LPXN: variants seen among roughly 807,000 people sequenced by gnomAD.
LPXN encodes the protein leupaxin.
A neutral mutation model predicts 45.6 loss-of-function variants in LPXN; 28 were observed. The observed-to-expected ratio is 0.61, with a 90% CI of 0.45 to 0.84. The LOEUF (loss-of-function observed/expected upper bound fraction) is 0.84, where lower values mean the gene tolerates loss of function less well. LPXN is among the 40% of genes least tolerant of loss of function. LPXN has a pLI of 0.00. For synonymous variants in LPXN, 166 were observed against 169.9 expected, an observed-to-expected ratio of 0.98 and a Z score of 0.18; for missense variants, 459 against 475.0, an observed-to-expected ratio of 0.97 and a Z score of 0.31.
intron 1 of LPXN, 131 bp downstream of exon 1, chr11:58,575,629 G>A: frequency 9.5e-7 from 1 of 1,054,118 alleles, no homozygotes; most frequent in Non-Finnish European, 1.5e-6. Context: ...GCAGGGCTGA[G>A]GACAGGAAAG....
intron 4 of LPXN, among the ~76,000 whole-genome samples, chr11:58,553,591 C>T (rs990506502): frequency 6.6e-5 from 10 of 152,104 alleles, no homozygotes; most frequent in African/African-American, 2.4e-4. Flanking sequence ...GTGTTGCTCA[C>T]GATGTATCAG....
chr11:58,566,244 G>T (rs998492310), intron 2 of LPXN, among the ~76,000 whole-genome samples: 1 of 151,910 alleles, frequency 6.6e-6, no homozygotes, highest in African/African-American at 2.4e-5. Flanking sequence ...AACTTTAATT[G>T]ATGCTTCACT....
At chr11:58,565,942 G>A (rs747827563) in intron 2 of LPXN, among the ~76,000 whole-genome samples, 8 of 152,094 alleles carry the variant, frequency 5.3e-5, no homozygotes, top group African/African-American at 7.2e-5. Context: ...AGGTTGCAGC[G>A]AGCCAAGATC....
intron 7 of LPXN, among the ~76,000 whole-genome samples, chr11:58,536,904 A>T (rs190395615): frequency 1.8e-4 from 27 of 152,214 alleles, no homozygotes; most frequent in Admixed American, 1.8e-3. Flanking sequence ...AACATATGAA[A>T]AAAAAAAGCT....
At chr11:58,570,783 TATCTTCAC>T (rs1565206107) in intron 1 of LPXN, 70 bp from the exon 2 acceptor site, 1 of 1,178,454 alleles carries the variant, frequency 8.5e-7, no homozygotes, top group Non-Finnish European at 1.2e-6. Flanking sequence ...TCTCCTTAAA[TATCTTCAC>T]TGTGCCCACA....
chr11:58,549,429 C>A (rs559141841), intron 7 of LPXN, among the ~76,000 whole-genome samples: 38 of 152,032 alleles, frequency 2.5e-4, no homozygotes, highest in East Asian at 1.7e-3. Flanking sequence ...ACAACAACAA[C>A]AAAAAATAAG....
At chr11:58,556,292 C>T (rs1854202629) in intron 3 of LPXN, among the ~76,000 whole-genome samples, 1 of 151,634 alleles carries the variant, frequency 6.6e-6, no homozygotes, top group Non-Finnish European at 1.5e-5. Flanking sequence ...TTTATAAACA[C>T]AATGATATGT....
intron 7 of LPXN, among the ~76,000 whole-genome samples, chr11:58,545,684 C>A (rs927004124): frequency 6.6e-6 from 1 of 152,060 alleles, no homozygotes; most frequent in Non-Finnish European, 1.5e-5. Flanking sequence ...CGTGTTGGTA[C>A]CACAAAAGTA....
intron 3 of LPXN, among the ~76,000 whole-genome samples, chr11:58,561,355 A>G (rs1854370955): frequency 6.6e-6 from 1 of 152,210 alleles, no homozygotes; most frequent in African/African-American, 2.4e-5. Context: ...ATTTTTGATC[A>G]CTTAACAACA....
At chr11:58,556,927 G>C (rs1854221943) in intron 3 of LPXN, among the ~76,000 whole-genome samples, 1 of 152,064 alleles carries the variant, frequency 6.6e-6, no homozygotes, top group African/African-American at 2.4e-5. Context: ...AAATAAAAAT[G>C]GCCAAAAGGT....
In LPXN at chr11:58,527,466, G is replaced by A. The variant is rs771475518; in HGVS notation, c.1149C>T (p.Leu383=). 1.3e-5 allele frequency: 21 copies of A among 1,614,070 alleles called. No individual in the cohort carries two copies. Among genetic ancestry groups the A allele is most frequent in the Non-Finnish European group, 1.5e-5 (18 of 1,180,036 alleles). Reference sequence around the variant, plus strand: ...GGATCAGTTGGCATTACAGTGGGAAGAGCTTATTGAAGCAAGGTTGACAAT... The same window carrying A: ...GGATCAGTTGGCATTACAGTGGGAAAAGCTTATTGAAGCAAGGTTGACAAT... ...KTYCQPCFNK[L]FPL The change falls in exon 9 of 9, where the codon CTC becomes CTT. Residue 383 remains leucine (L), a synonymous_variant. Coordinates refer to ENST00000395074, the MANE Select transcript of LPXN (RefSeq NM_004811.3).
At chr11:58,541,233 A>G (rs990720666) in intron 7 of LPXN, among the ~76,000 whole-genome samples, 9 of 152,218 alleles carry the variant, frequency 5.9e-5, no homozygotes, top group African/African-American at 1.9e-4. Context: ...AAAAGAAACT[A>G]CCATCAGAGT....
At chr11:58,571,379 A>AAATC (rs1555011643) in intron 1 of LPXN, among the ~76,000 whole-genome samples, 48 of 141,736 alleles carry the variant, frequency 3.4e-4, no homozygotes, top group Middle Eastern at 3.7e-3. Flanking sequence ...ATAAATAAAT[A>AAATC]AATCCTAAAT....
intron 4 of LPXN, 97 bp downstream of exon 4, chr11:58,554,744 G>T: frequency 1.2e-6 from 1 of 818,932 alleles, no homozygotes; most frequent in Non-Finnish European, 1.9e-6. Context: ...AGAATGGAGA[G>T]CTGAGTTCCA....
intron 3 of LPXN, among the ~76,000 whole-genome samples, chr11:58,558,931 G>T (rs1374521887): frequency 6.6e-6 from 1 of 151,724 alleles, no homozygotes; most frequent in African/African-American, 2.4e-5. Context: ...TATTGATACA[G>T]CTAAGTTCAC....
chr11:58,574,518 G>C (rs946918921), intron 1 of LPXN, among the ~76,000 whole-genome samples: 4 of 151,960 alleles, frequency 2.6e-5, no homozygotes, highest in African/African-American at 7.3e-5. Context: ...ATAAGTATTA[G>C]TTTCCTTTTG....
At chr11:58,578,243 C>A (rs1854969833), upstream of LPXN, 1 of 610,668 alleles carries the variant, frequency 1.6e-6, no homozygotes, top group Non-Finnish European at 2.7e-6. Flanking sequence ...GCGACCTAAC[C>A]CGGAAACACT....
intron 3 of LPXN, 52 bp from the exon 4 acceptor site, chr11:58,554,992 G>T: frequency 1.7e-6 from 2 of 1,161,464 alleles, no homozygotes; most frequent in Non-Finnish European, 1.3e-6. Context: ...CTCAAATAAT[G>T]TTAAACCACA....
chr11:58,570,717 C>A lies in LPXN; in HGVS notation c.14-4G>T, dbSNP rs201702824. ...TCCAGTTCCTCCAATAAGGCATCTA[C>A]ACCATAAGAAGCAAGAGAATCATGA... On this transcript the variant is annotated splice_polypyrimidine_tract_variant and splice_region_variant and intron_variant, in intron 1 of 8. Transcript: ENST00000395074. 3.6e-5 allele frequency: 58 copies of A among 1,601,582 alleles called. No individual in the cohort carries two copies. The highest frequency in any genetic ancestry group is 3.8e-5 in the Non-Finnish European group (45 of 1,172,290).
Sources: gnomAD v4.1 joint callset for allele counts (sites outside exome capture counted in the v4.1 genomes callset) on GRCh38, gnomAD v4.1.1 for gene constraint, MANE v1.5 for transcripts, NCBI Gene and HGNC (gene_info 2026-07-23, HGNC 2026-07-21) for gene names.